Variants in CACNA1D observed in about 807,000 individuals in gnomAD.
CACNA1D encodes calcium voltage-gated channel subunit alpha1 D.
A neutral mutation model predicts 257.1 loss-of-function variants in CACNA1D; 55 were observed. The observed-to-expected ratio is 0.21, with a 90% confidence interval of 0.17 to 0.27. The LOEUF (loss-of-function observed/expected upper bound fraction) is 0.27, where lower values mean the gene tolerates loss of function less well. Among genes scored for constraint, CACNA1D ranks in the 10% least tolerant of loss-of-function variants. The pLI, the probability that CACNA1D is intolerant of heterozygous loss-of-function variation, is 1.00. For synonymous variants in CACNA1D, 980 were observed against 1,014.9 expected (o/e 0.97, Z 0.65); for missense variants, 1,876 against 2,784.0 (o/e 0.67, Z 7.34).
intron 26 of CACNA1D, among the ~76,000 whole-genome samples, chr3:53,748,278 G>A (rs2095190769): frequency 6.6e-6 from 1 of 152,226 alleles, no homozygotes; most frequent in African/African-American, 2.4e-5. Flanking sequence ...TAGAGTCCTG[G>A]ATACCCGGTC....
intron 11 of CACNA1D, among the ~76,000 whole-genome samples, chr3:53,721,996 G>T (rs188290645): frequency 6.6e-6 from 1 of 152,306 alleles, no homozygotes; most frequent in Non-Finnish European, 1.5e-5. Flanking sequence ...ATCTGCACGT[G>T]AATCTATGAA....
At chr3:53,519,558 A>C (rs929702349) in intron 3 of CACNA1D, among the ~76,000 whole-genome samples, 10 of 152,188 alleles carry the variant, frequency 6.6e-5, no homozygotes. Context: ...TGGGACCTGG[A>C]GGCAAAGAAT....
intron 8 of CACNA1D, chr3:53,679,269 TCAAAAAAAAAAAAAAA>T (rs1328706712): frequency 1.6e-4 from 1 of 6,374 alleles, no homozygotes; most frequent in African/African-American, 3.3e-4. Flanking sequence ...AAACTCCATC[TCAAAAAAAAAAAAAAA>T]AAAAAAAAAA....
At chr3:53,576,448 G>A (rs1473950678) in intron 3 of CACNA1D, among the ~76,000 whole-genome samples, 4 of 152,286 alleles carry the variant, frequency 2.6e-5, no homozygotes, top group Middle Eastern at 3.4e-3. Context: ...ATTGAGCAGA[G>A]TCATTGCTTT....
At chr3:53,749,593 C>T (rs369857983) in intron 27 of CACNA1D, 124 bp downstream of exon 27, 3 of 741,076 alleles carry the variant, frequency 4.0e-6, no homozygotes, top group Non-Finnish European at 7.2e-6. Flanking sequence ...GGGGCTAGGG[C>T]CCTGTTCTAA....
intron 40 of CACNA1D, among the ~76,000 whole-genome samples, chr3:53,788,301 T>C (rs1456584552): frequency 6.6e-6 from 1 of 152,246 alleles, no homozygotes; most frequent in East Asian, 1.9e-4. Context: ...AGGTGGACCA[T>C]GAATCCGACT....
chr3:53,505,550 G>A (rs975148527), intron 3 of CACNA1D, among the ~76,000 whole-genome samples: 3 of 152,174 alleles, frequency 2.0e-5, no homozygotes, highest in East Asian at 1.9e-4. Context: ...TGCACCAAGC[G>A]AATGACTTTC....
chr3:53,533,780 G>A (rs572217731), intron 3 of CACNA1D, among the ~76,000 whole-genome samples: 38 of 152,238 alleles, frequency 2.5e-4, no homozygotes, highest in African/African-American at 9.1e-4. Context: ...AGGTGTCACT[G>A]TCTCCTTTTT....
chr3:53,555,456 GTGTGTTTTT>G (rs1162812810), intron 3 of CACNA1D, among the ~76,000 whole-genome samples: 8 of 117,032 alleles, frequency 6.8e-5, no homozygotes, highest in African/African-American at 2.8e-4. Flanking sequence ...GTGTGTGTGT[GTGTGTTTTT>G]TTTTTTTTTT....
Position 53,802,174 on chromosome 3 carries a change from G to T in CACNA1D, c.5435+1G>T. The T allele has an allele frequency of 1.2e-6, 2 of 1,605,860 alleles. No individual in the cohort carries two copies. The highest frequency in any genetic ancestry group is 1.7e-6 in the Non-Finnish European group (2 of 1,172,490). On this transcript the variant is annotated splice_donor_variant, in intron 43 of 47. Transcript: ENST00000350061. LOFTEE classifies it high-confidence loss of function. Reference sequence around the variant, plus strand: ...CCCGCTATTATGAAACTTACATTAGGTATGTGCTCATTACCTGTTTTTGTG... The same window carrying T: ...CCCGCTATTATGAAACTTACATTAGTTATGTGCTCATTACCTGTTTTTGTG...
chr3:53,760,577 C>T (rs780714567), intron 29 of CACNA1D, among the ~76,000 whole-genome samples: 1 of 152,208 alleles, frequency 6.6e-6, no homozygotes, highest in African/African-American at 2.4e-5. Context: ...CTTTGGCTGT[C>T]TGTGCAGTAT....
In CACNA1D at chr3:53,644,415, TACTC is replaced by T. The variant is rs561973918; in HGVS notation, c.484-6363_484-6360del. Reference sequence around the variant, plus strand: ...TGTTGTACAATAGATCTCCTGAACTTACTCTTTCTAGCTTTTGTATACTTTGAAA... The same window carrying T: ...TGTTGTACAATAGATCTCCTGAACTTTTTCTAGCTTTTGTATACTTTGAAA... On this transcript the variant is annotated intron_variant, in intron 3 of 47. Transcript: ENST00000350061. Among the ~76,000 whole-genome samples, 23 of 152,366 alleles carry T rather than the reference TACTC, an allele frequency of 1.5e-4. No individual in the cohort carries two copies. The East Asian group carries it at 4.2e-3, about 28-fold the overall frequency.
At chr3:53,750,186 G>A (rs375137741) in intron 27 of CACNA1D, among the ~76,000 whole-genome samples, 2 of 152,160 alleles carry the variant, frequency 1.3e-5, no homozygotes, top group Non-Finnish European at 2.9e-5. Flanking sequence ...CCTTTTGCTC[G>A]GGTGACGTGG....
At chr3:53,695,234 G>T (rs1359972831) in intron 8 of CACNA1D, among the ~76,000 whole-genome samples, 1 of 152,174 alleles carries the variant, frequency 6.6e-6, no homozygotes, top group Non-Finnish European at 1.5e-5. Flanking sequence ...TTTAGAACGT[G>T]CTGTGATCTG....
chr3:53,674,188 G>C, intron 8 of CACNA1D: 1 of 374,030 alleles, frequency 2.7e-6, no homozygotes. Flanking sequence ...GTCGTTTTGT[G>C]TCTATTAGTA....
chr3:53,507,977 A>AG (rs11372089), intron 3 of CACNA1D, among the ~76,000 whole-genome samples: 67,821 of 151,740 alleles, frequency 0.45, 16,495 homozygotes, highest in East Asian at 0.55. Context: ...ACAGCTGGAA[A>AG]GGGGGGGCTG....
At chr3:53,737,753 G>A (rs556728886) in intron 20 of CACNA1D, among the ~76,000 whole-genome samples, 1 of 152,340 alleles carries the variant, frequency 6.6e-6, no homozygotes, top group East Asian at 1.9e-4. Context: ...AACCCAGGAG[G>A]CGGAGGTTGC....
At chr3:53,554,842 A>G (rs1194205311) in intron 3 of CACNA1D, among the ~76,000 whole-genome samples, 1 of 152,214 alleles carries the variant, frequency 6.6e-6, no homozygotes, top group African/African-American at 2.4e-5. Context: ...TGGACTCAAC[A>G]TTCTTCTGAG....
intron 8 of CACNA1D, among the ~76,000 whole-genome samples, chr3:53,689,891 C>G (rs375251626): frequency 6.6e-6 from 1 of 152,146 alleles, no homozygotes; most frequent in African/African-American, 2.4e-5. Context: ...AGGTTCTGGC[C>G]TCAAGCTATC....
Sources: gnomAD v4.1 joint callset for allele counts (sites outside exome capture counted in the v4.1 genomes callset) on GRCh38, gnomAD v4.1.1 for gene constraint, MANE v1.5 for transcripts, NCBI Gene and HGNC (gene_info 2026-07-23, HGNC 2026-07-21) for gene names.